REEP6: variants seen among roughly 807,000 people sequenced by gnomAD.
REEP6 encodes receptor expression-enhancing protein 6.
Under a neutral mutation model 22.4 loss-of-function variants are expected in REEP6, and 19 were observed. The ratio of observed to expected loss-of-function variants is 0.85; its 90% CI spans 0.59 to 1.25. REEP6 has a LOEUF of 1.25. Ranked by LOEUF, REEP6 falls within the 50% of genes most tolerant of loss-of-function variation. The pLI is 0.00. For missense variants in REEP6, 273 were observed against 251.9 expected (o/e 1.08, Z -0.57); for synonymous variants, 121 against 113.6 (o/e 1.06, Z -0.41).
Position 1,491,203 on chromosome 19 carries a change from G to T in REEP6, c.-67G>T. 2.6e-6 allele frequency: 3 copies of T among 1,133,794 alleles called. No homozygotes were observed. The highest frequency in any genetic ancestry group is 3.6e-6 in the Non-Finnish European group (3 of 839,404). 70.2% of individuals were successfully genotyped at this position (1,133,794 alleles called of 1,614,324 possible). On this transcript the variant is annotated 5_prime_UTR_variant, in exon 1 of 5. Transcript: ENST00000233596. This position sits in a 1 kb window ranked among gnomAD's most constrained non-coding sequence, Gnocchi z 5.4. ...CTCAGGCTGCGGGAAAGCGGTGCGC[G>T]TGCAGCGGGGTGGGTGCCCTGGTCC...
Position 1,491,335 on chromosome 19 carries a change from G to A in REEP6, c.66G>A (p.Leu22=). ...LEQRNLVTEV[L]GALEAKTGVE... Reference sequence around the variant, plus strand: ...AAAGGAACCTGGTCACCGAAGTGCTGGGGGCGCTGGAGGCCAAGACCGGGG... The same window carrying A: ...AAAGGAACCTGGTCACCGAAGTGCTAGGGGCGCTGGAGGCCAAGACCGGGG... Residue 22 remains leucine (L), a synonymous_variant, in exon 1 of 5, where the codon CTG becomes CTA. Coordinates refer to ENST00000233596, the MANE Select transcript of REEP6 (RefSeq NM_138393.4). The surrounding 1 kb of genome is among the most constrained non-coding windows in gnomAD (Gnocchi z 5.4). 6.8e-7 allele frequency: 1 copy of A among 1,480,850 alleles called. No individual in the cohort carries two copies. The highest frequency in any genetic ancestry group is 1.3e-5 in the South Asian group (1 of 76,076). The allele number at this position is 1,480,850 out of a possible 1,614,324, so 91.7% of individuals were successfully genotyped here. A position where few individuals can be genotyped will look rare whatever the true frequency, so the allele number is the denominator to read the frequency against.
At position 1,495,604 on chromosome 19, in the gene REEP6, C is replaced by T; in HGVS notation, c.345C>T (p.Gly115=). The change falls in exon 3 of 5, where the codon GGC becomes GGT. Residue 115 remains glycine (G), a synonymous_variant. Transcript: ENST00000233596. ...CCTGGTTCCCTTTCTACTACGTGGG[C>T]AAGGTGGGCCCTGCCAGGGCGGGCA... ...LLSWFPFYYV[G]KCAFLLFCMA... 1 of 1,614,022 alleles carries T rather than the reference C, an allele frequency of 6.2e-7. No individual in the cohort carries two copies.
chr19:1,492,046 C>T (rs1040319895), intron 1 of REEP6, among the ~76,000 whole-genome samples: 1 of 152,166 alleles, frequency 6.6e-6, no homozygotes, highest in African/African-American at 2.4e-5. Flanking sequence ...TGACGCTGCG[C>T]GCCCCTTCCC....
In REEP6 at chr19:1,497,153, C is replaced by G. The variant is rs367607804; in HGVS notation, c.518-21C>G. The G allele has an allele frequency of 5.8e-6, 8 of 1,389,096 alleles. No homozygotes were observed. Among genetic ancestry groups the G allele is most frequent in the Non-Finnish European group, 7.6e-6 (8 of 1,052,674 alleles). 86.0% of individuals were successfully genotyped at this position (1,389,096 alleles called of 1,614,324 possible). ...CCAGGCCTGCCTCACGGCCCTCCCC[C>G]ACCCGCCCCTCTCTCTGCAGTCAAG... On this transcript the variant is annotated intron_variant, in intron 4 of 4. Coordinates refer to ENST00000233596, the MANE Select transcript of REEP6 (RefSeq NM_138393.4). The surrounding 1 kb of genome is among the most constrained non-coding windows in gnomAD (Gnocchi z 6.5).
chr19:1,497,138 C>G lies in REEP6; in HGVS notation c.518-36C>G. 7.4e-7 allele frequency: 1 copy of G among 1,355,016 alleles called. No individual in the cohort carries two copies. The highest frequency in any genetic ancestry group is 9.9e-7 in the Non-Finnish European group (1 of 1,010,216). The allele number at this position is 1,355,016 out of a possible 1,614,324, so 83.9% of individuals were successfully genotyped here. ...GCAGCTCCGGGGAGCCCAGGCCTGC[C>G]TCACGGCCCTCCCCCACCCGCCCCT... On this transcript the variant is annotated intron_variant, in intron 4 of 4. Transcript: ENST00000233596. The surrounding 1 kb of genome is among the most constrained non-coding windows in gnomAD (Gnocchi z 6.5).
rs988633230 is a variant in REEP6, at chr19:1,491,992, C to G, written c.115+608C>G. 6.6e-6 allele frequency among the ~76,000 whole-genome samples: 1 copy of G among 152,214 alleles called. No individual in the cohort carries two copies. Among genetic ancestry groups the G allele is most frequent in the Admixed American group, 6.5e-5 (1 of 15,286 alleles). Reference sequence around the variant, plus strand: ...CACAGAGCCGGAGATCCAGGCACCCCGATTGTGACTCCATTACAGTTCTTC... The same window carrying G: ...CACAGAGCCGGAGATCCAGGCACCCGGATTGTGACTCCATTACAGTTCTTC... On this transcript the variant is annotated intron_variant, in intron 1 of 4. Transcript: ENST00000233596. The surrounding 1 kb of genome is among the most constrained non-coding windows in gnomAD (Gnocchi z 5.4).
chr19:1,495,543 T>C lies in REEP6; in HGVS notation c.284T>C (p.Phe95Ser). ...ACCTACTGGGTGGTGTACGCCCTGT[T>C]TGGGCTGGCCGAGTTCTTCAGCGAT... ...WLTYWVVYAL[F>S]GLAEFFSDLL... Residue 95 changes from phenylalanine to serine, a missense_variant, in exon 3 of 5, where the codon TTT becomes TCT. Phe to Ser is a radical substitution (Grantham distance 155). Coordinates refer to ENST00000233596, the MANE Select transcript of REEP6 (RefSeq NM_138393.4). 6.2e-7 allele frequency: 1 copy of C among 1,614,090 alleles called. No homozygotes were observed. Among genetic ancestry groups the C allele is most frequent in the Non-Finnish European group, 8.5e-7 (1 of 1,180,020 alleles).
At chr19:1,496,782 T>C in intron 4 of REEP6, 1 of 598,004 alleles carries the variant, frequency 1.7e-6, no homozygotes. Context: ...TGTGTGTGCA[T>C]GTTTTGTCAT....
At chr19:1,493,079 T>C (rs542429523) in intron 1 of REEP6, among the ~76,000 whole-genome samples, 1 of 152,160 alleles carries the variant, frequency 6.6e-6, no homozygotes, top group East Asian at 1.9e-4. Flanking sequence ...AAGCATACAG[T>C]CCTCCACCCT....
At chr19:1,496,264 A>C in intron 3 of REEP6, 21 bp from the exon 4 acceptor site, 2 of 1,587,240 alleles carry the variant, frequency 1.3e-6, no homozygotes, top group Non-Finnish European at 1.7e-6. Flanking sequence ...GCCCGCGTGT[A>C]ACTCCTGCCC....
At chr19:1,492,664 C>T (rs145275370) in intron 1 of REEP6, among the ~76,000 whole-genome samples, 5 of 152,286 alleles carry the variant, frequency 3.3e-5, no homozygotes, top group African/African-American at 9.6e-5. Context: ...TGCTCTGGGC[C>T]TGGGGTATTC....
In REEP6 at chr19:1,497,410, C is replaced by G. The variant is rs746067893; in HGVS notation, c.*199C>G. 2 of 716,712 alleles carry G rather than the reference C, an allele frequency of 2.8e-6. No individual in the cohort carries two copies. The highest frequency in any genetic ancestry group is 3.0e-5 in the South Asian group (2 of 66,880). 44.4% of individuals were successfully genotyped at this position (716,712 alleles called of 1,614,324 possible). ...TCCCAGTCCTCGGCCACCCCCAGCT[C>G]TGGATCCCAGGGCCAGCTGCCCTCT... On this transcript the variant is annotated 3_prime_UTR_variant, in exon 5 of 5. Coordinates refer to ENST00000233596, the MANE Select transcript of REEP6 (RefSeq NM_138393.4). This position sits in a 1 kb window ranked among gnomAD's most constrained non-coding sequence, Gnocchi z 6.5.
intron 3 of REEP6, 129 bp from the exon 4 acceptor site, chr19:1,496,156 A>C: frequency 8.6e-7 from 1 of 1,157,774 alleles, no homozygotes; most frequent in South Asian, 1.6e-5. Flanking sequence ...GGCCCACCCT[A>C]AAGGGTGTCT....
rs373940378 is a variant in REEP6, at chr19:1,496,615, G to A, written c.517+162G>A. On this transcript the variant is annotated intron_variant, in intron 4 of 4. Coordinates refer to ENST00000233596, the MANE Select transcript of REEP6 (RefSeq NM_138393.4). Reference sequence around the variant, plus strand: ...GTCTTGCAGGTCCTGGCCCGTAGCCGGGCAGGCATCACCCCGGTGGCTGTG... The same window carrying A: ...GTCTTGCAGGTCCTGGCCCGTAGCCAGGCAGGCATCACCCCGGTGGCTGTG... 15 of 959,850 alleles carry A rather than the reference G, an allele frequency of 1.6e-5. No individual in the cohort carries two copies. The highest frequency in any genetic ancestry group is 2.1e-4 in the Middle Eastern group (1 of 4,858). The allele number at this position is 959,850 out of a possible 1,614,324, so 59.5% of individuals were successfully genotyped here. A position where few individuals can be genotyped will look rare whatever the true frequency, so the allele number is the denominator to read the frequency against.
chr19:1,494,817 TG>T (rs1393901900), intron 1 of REEP6, among the ~76,000 whole-genome samples: 1 of 152,182 alleles, frequency 6.6e-6, no homozygotes, highest in African/African-American at 2.4e-5. Flanking sequence ...CCCCAGCAGC[TG>T]GGACTACAGG....
chr19:1,494,189 GC>G (rs1475399769), intron 1 of REEP6, among the ~76,000 whole-genome samples: 5 of 152,224 alleles, frequency 3.3e-5, no homozygotes, highest in African/African-American at 1.2e-4. Flanking sequence ...GAGGCTCCAT[GC>G]AGCCACAGCC....
chr19:1,495,184 C>T (rs2084995089), intron 1 of REEP6, 110 bp from the exon 2 acceptor site: 1 of 1,030,184 alleles, frequency 9.7e-7, no homozygotes, highest in Non-Finnish European at 1.5e-6. Context: ...GAGGCGGCTC[C>T]TGGGAGGAGG....
Position 1,491,425 on chromosome 19 carries a change from C to G in REEP6, c.115+41C>G, listed in dbSNP as rs1328594963. The G allele has an allele frequency of 1.2e-5, 16 of 1,325,040 alleles. No homozygotes were observed. The highest frequency in any genetic ancestry group is 1.5e-5 in the Non-Finnish European group (15 of 1,012,938). The allele number at this position is 1,325,040 out of a possible 1,614,324, so 82.1% of individuals were successfully genotyped here. On this transcript the variant is annotated intron_variant, in intron 1 of 4. Transcript: ENST00000233596. The surrounding 1 kb of genome is among the most constrained non-coding windows in gnomAD (Gnocchi z 5.4). Reference sequence around the variant, plus strand: ...TAGCCCGTTTCGCCGACGGGCACACCGAGGCCATGGGCCTGGGGGTCGCAG... The same window carrying G: ...TAGCCCGTTTCGCCGACGGGCACACGGAGGCCATGGGCCTGGGGGTCGCAG...
rs2084999063 is a variant in REEP6 at position 1,495,532 on chromosome 19, G to A, written c.273G>A (p.Val91=). 1.2e-6 allele frequency: 2 copies of A among 1,614,096 alleles called. No individual in the cohort carries two copies. Among genetic ancestry groups the A allele is most frequent in the Non-Finnish European group, 1.7e-6 (2 of 1,180,022 alleles). ...DDTVWLTYWV[V]YALFGLAEFF... ...CTGTGTGGCTCACCTACTGGGTGGT[G>A]TACGCCCTGTTTGGGCTGGCCGAGT... is the stretch of plus-strand genomic sequence containing the variant. Residue 91 remains valine, a synonymous_variant, in exon 3 of 5, where the codon GTG becomes GTA. Coordinates refer to ENST00000233596, the MANE Select transcript of REEP6 (RefSeq NM_138393.4).
Sources: gnomAD v4.1 joint callset for allele counts (sites outside exome capture counted in the v4.1 genomes callset) on GRCh38, gnomAD v4.1.1 for gene constraint, Gnocchi (gnomAD v3.1) non-coding constraint, MANE v1.5 for transcripts, NCBI Gene and HGNC (gene_info 2026-07-23, HGNC 2026-07-21) for gene names.